Variants in MASP1 observed in about 807,000 individuals in gnomAD.
MASP1 encodes mannan-binding lectin serine protease 1.
In MASP1, 59 loss-of-function variants were observed where a neutral mutation model predicts 77.1. The ratio of observed to expected loss-of-function variants is 0.77; its 90% confidence interval spans 0.62 to 0.95. The LOEUF is 0.95. Ranked by LOEUF, MASP1 falls within the 40% of genes least tolerant of loss-of-function variation. The pLI is 0.00. For missense variants in MASP1, 885 were observed against 912.9 expected, an observed-to-expected ratio of 0.97 and a Z score of 0.39; for synonymous variants, 362 against 354.5, an observed-to-expected ratio of 1.02 and a Z score of -0.24.
chr3:187,273,073 A>G (rs1292386383), intron 2 of MASP1, among the ~76,000 whole-genome samples: 1 of 152,184 alleles, frequency 6.6e-6, no homozygotes, highest in East Asian at 1.9e-4. Context: ...ACCAACTGAG[A>G]TGACACGTTC....
rs710467 is a variant in MASP1 at position 187,260,495 on chromosome 3, T to C, written c.547+246A>G. 0.98 allele frequency among the ~76,000 whole-genome samples: 149,394 copies of C among 152,308 alleles called. 73,321 individuals are homozygous for C. Among genetic ancestry groups the C allele is most frequent in the Middle Eastern group, 1 (294 of 294 alleles). Reference sequence around the variant, plus strand: ...GGATAGGAGACAGCAACCTGTATAGTGAAAAATGCTGCCCCAGAAAGAAAG... The same window carrying C: ...GGATAGGAGACAGCAACCTGTATAGCGAAAAATGCTGCCCCAGAAAGAAAG... On this transcript the variant is annotated intron_variant, in intron 4 of 10. Transcript: ENST00000296280.
chr3:187,289,487 C>T (rs1036027204), intron 1 of MASP1, among the ~76,000 whole-genome samples: 1 of 152,206 alleles, frequency 6.6e-6, no homozygotes, highest in East Asian at 1.9e-4. Context: ...AAGCTGGGTC[C>T]ATGCCCATAT....
Position 187,235,719 on chromosome 3 carries a change from G to C in MASP1, c.2152C>G (p.Pro718Ala). The change falls in exon 11 of 11, where the codon CCA (proline) becomes GCA (alanine). Residue 718 changes from proline (P) to alanine (A), a missense_variant. By Grantham distance (27) the Pro-to-Ala change is conservative (BLOSUM62 -1). Coordinates refer to ENST00000296280, the MANE Select transcript of MASP1 (RefSeq NM_139125.4). ...VDWVWEQMGL[P>A]QSVVEPQVER ...ACCTGGGGCTCCACAACACTTTGTG[G>C]TAAGCCCATCTGCTCCCACACCCAG... 1 of 1,614,192 alleles carries C rather than the reference G, an allele frequency of 6.2e-7. No homozygotes were observed. The highest frequency in any genetic ancestry group is 1.1e-5 in the South Asian group (1 of 91,082).
intron 9 of MASP1, 111 bp downstream of exon 9, chr3:187,243,373 C>G: frequency 2.7e-6 from 3 of 1,119,542 alleles, no homozygotes; most frequent in African/African-American, 3.1e-5. Context: ...TTATCAGGCT[C>G]TACACACTTA....
chr3:187,225,788 A>T lies in MASP1; in HGVS notation c.1556-279T>A, dbSNP rs565077865. On this transcript the variant is annotated intron_variant, in intron 12 of 15. Coordinates refer to the MASP1 transcript ENST00000337774. Reference sequence around the variant, plus strand: ...ATGTTCAATCCCTATCATCACCTTCAGTGCCTGTGTCAAACATGACCTCCT... The same window carrying T: ...ATGTTCAATCCCTATCATCACCTTCTGTGCCTGTGTCAAACATGACCTCCT... 1.4e-4 allele frequency among the ~76,000 whole-genome samples: 21 copies of T among 152,284 alleles called. No homozygotes were observed. The South Asian group carries it at 3.3e-3, about 24-fold the overall frequency.
intron 13 of MASP1, among the ~76,000 whole-genome samples, chr3:187,224,582 G>C (rs981414094): frequency 1.1e-4 from 17 of 151,896 alleles, no homozygotes; most frequent in African/African-American, 3.9e-4. Flanking sequence ...TCCTGACCTC[G>C]TGATCCGCCC....
intron 13 of MASP1, among the ~76,000 whole-genome samples, chr3:187,224,145 G>C (rs1189121429): frequency 1.3e-5 from 2 of 152,158 alleles, no homozygotes; most frequent in Non-Finnish European, 2.9e-5. Flanking sequence ...ACTGAAATTA[G>C]AATGAAAAGG....
chr3:187,253,237 C>A lies in MASP1; in HGVS notation c.823G>T (p.Val275Phe), dbSNP rs1241820818. 6.2e-6 allele frequency: 10 copies of A among 1,614,076 alleles called. No homozygotes were observed. The Admixed American group carries it at 1.7e-4, about 27-fold the overall frequency. ...TTGTCACTATGGAACAGGATCAGGACACTGTGGCTCTGGGTGCTGATGGGT... is the reference window on the plus strand; with the variant it reads ...TTGTCACTATGGAACAGGATCAGGAAACTGTGGCTCTGGGTGCTGATGGGT... Reference protein sequence around the residue: ...PEPISTQSHSVLILFHSDNSG... With the variant: ...PEPISTQSHSFLILFHSDNSG... The change falls in exon 6 of 11, where the codon GTC (valine) becomes TTC (phenylalanine). Residue 275 changes from valine (V) to phenylalanine (F), a missense_variant. Val to Phe is a conservative substitution (Grantham distance 50). Transcript: ENST00000296280.
At chr3:187,268,063 G>C (rs958479557) in intron 2 of MASP1, among the ~76,000 whole-genome samples, 7 of 152,204 alleles carry the variant, frequency 4.6e-5, no homozygotes, top group Non-Finnish European at 8.8e-5. Flanking sequence ...TTTAGGATTG[G>C]CTAGCAAGTA....
rs2108550865 is a variant in MASP1 at position 187,256,224 on chromosome 3, G to T, written c.744+440C>A. Reference sequence around the variant, plus strand: ...GTCTGGGGCAAAATGAAAATACGGGGACCCTTATTTAAAACAAATTAAAAT... The same window carrying T: ...GTCTGGGGCAAAATGAAAATACGGGTACCCTTATTTAAAACAAATTAAAAT... On this transcript the variant is annotated intron_variant, in intron 5 of 10. Transcript: ENST00000296280. Among the ~76,000 whole-genome samples the T allele has an allele frequency of 2.0e-5, 3 of 152,288 alleles. No homozygotes were observed. In the South Asian group the frequency reaches 6.2e-4, roughly 32 times the overall value.
intron 2 of MASP1, among the ~76,000 whole-genome samples, chr3:187,281,913 A>G (rs1280184863): frequency 6.6e-6 from 1 of 152,208 alleles, no homozygotes; most frequent in African/African-American, 2.4e-5. Flanking sequence ...TATAGCCAGA[A>G]AAAGCATATA....
intron 1 of MASP1, among the ~76,000 whole-genome samples, chr3:187,286,512 T>G (rs1717869187): frequency 6.6e-6 from 1 of 152,218 alleles, no homozygotes; most frequent in Admixed American, 6.5e-5. Flanking sequence ...AAATGGTATT[T>G]CACCACAAAC....
rs200796563 is a variant in MASP1, at chr3:187,291,703, C to A, written c.-71G>T. 30 of 1,592,046 alleles carry A rather than the reference C, an allele frequency of 1.9e-5. 1 individual carries two copies. In the South Asian group the frequency reaches 3.2e-4, roughly 17 times the overall value. On this transcript the variant is annotated 5_prime_UTR_variant, in exon 1 of 11. Coordinates refer to ENST00000296280, the MANE Select transcript of MASP1 (RefSeq NM_139125.4). ...GCTTGACTTGCCTGTGAGCTCGTGC[C>A]CGGTGTGGTGTCCGTGATGCCTTAT...
intron 8 of MASP1, chr3:187,244,615 G>A (rs954421161): frequency 6.6e-6 from 1 of 152,222 alleles, no homozygotes; most frequent in Non-Finnish European, 1.5e-5. Context: ...AGCCCAGAGA[G>A]GAGACTTGAC....
At chr3:187,270,095 A>G (rs570977495) in intron 2 of MASP1, among the ~76,000 whole-genome samples, 3 of 152,222 alleles carry the variant, frequency 2.0e-5, no homozygotes, top group Non-Finnish European at 2.9e-5. Flanking sequence ...TAATTCTGCA[A>G]TGTAACTTCA....
chr3:187,285,555 A>G (rs1717778139), intron 2 of MASP1, among the ~76,000 whole-genome samples: 1 of 151,978 alleles, frequency 6.6e-6, no homozygotes, highest in South Asian at 2.1e-4. Context: ...AGGCTGGTAG[A>G]AACACTAAAG....
chr3:187,241,656 A>G, intron 9 of MASP1, 101 bp from the exon 10 acceptor site: 1 of 817,252 alleles, frequency 1.2e-6, no homozygotes, highest in Non-Finnish European at 2.2e-6. Flanking sequence ...GTGAGTTATT[A>G]CAAAGTCCTC....
rs781434732 is a variant in MASP1, at chr3:187,223,230, T to C, written c.1742-36A>G. 15 of 1,574,454 alleles carry C rather than the reference T, an allele frequency of 9.5e-6. No homozygotes were observed. In the South Asian group the frequency reaches 1.6e-4, roughly 16 times the overall value. On this transcript the variant is annotated intron_variant, in intron 13 of 15. Transcript: ENST00000337774. ...GAAGATACTGTGAGAACAGAGAAGC[T>C]ATCTGTGGGGTGTTTGGAGGGGTGC...
At position 187,234,734 on chromosome 3, in the gene MASP1, A is replaced by C; in HGVS notation, c.*950T>G. 5.4e-6 allele frequency: 7 copies of C among 1,287,234 alleles called. No homozygotes were observed. The highest frequency in any genetic ancestry group is 7.1e-6 in the Non-Finnish European group (7 of 988,696). 79.7% of individuals were successfully genotyped at this position (1,287,234 alleles called of 1,614,324 possible). ...CACTCTTTCTTCCATTTTCCTGCCC[A>C]AAAGCACAGCAGGACACAGTGTGGG... On this transcript the variant is annotated 3_prime_UTR_variant, in exon 11 of 11. Coordinates refer to ENST00000296280, the MANE Select transcript of MASP1 (RefSeq NM_139125.4).
Sources: allele counts gnomAD v4.1 joint callset (sites outside exome capture counted in the v4.1 genomes callset), GRCh38; gene constraint gnomAD v4.1.1; transcripts MANE v1.5; gene names NCBI Gene and HGNC (gene_info 2026-07-23, HGNC 2026-07-21).